LYPLAL1: variants seen among roughly 807,000 people sequenced by gnomAD.
LYPLAL1 encodes the protein lysophospholipase like 1, also known as lysophospholipase-like protein 1.
In LYPLAL1, 23 loss-of-function variants were observed where a neutral mutation model predicts 19.7. The observed-to-expected ratio is 1.17, with a 90% CI of 0.84 to 1.65. The LOEUF (loss-of-function observed/expected upper bound fraction) is 1.65, where lower values mean the gene tolerates loss of function less well. Ranked by LOEUF, LYPLAL1 falls within the 40% of genes most tolerant of loss-of-function variation. The probability of loss-of-function intolerance (pLI) is 0.00; values close to 1 mark genes in which losing one functional copy is unlikely to be tolerated. For synonymous variants in LYPLAL1, 119 were observed against 96.3 expected, an observed-to-expected ratio of 1.24 and a Z score of -1.38; for missense variants, 355 against 279.4, an observed-to-expected ratio of 1.27 and a Z score of -1.93.
At chr1:219,341,723 T>G in the LYPLAL1 span, among the ~76,000 whole-genome samples, 6 of 152,240 alleles carry the variant, frequency 3.9e-5, no homozygotes, top group Admixed American at 1.3e-4. Flanking sequence ...GAACCTGTTT[T>G]TATAGGTCTG....
At chr1:219,243,244 G>C in the LYPLAL1 span, among the ~76,000 whole-genome samples, 1 of 152,050 alleles carries the variant, frequency 6.6e-6, no homozygotes. Context: ...AATATATTTT[G>C]GAATTGAAGA....
At chr1:219,394,358 CT>C in the LYPLAL1 span, among the ~76,000 whole-genome samples, 1 of 152,084 alleles carries the variant, frequency 6.6e-6, no homozygotes, top group Non-Finnish European at 1.5e-5. Flanking sequence ...ATACATAATA[CT>C]TTATTAAGTG....
chr1:219,415,031 G>A, the LYPLAL1 span, among the ~76,000 whole-genome samples: 41 of 152,234 alleles, frequency 2.7e-4, no homozygotes, highest in South Asian at 7.5e-3. Context: ...CAAGAATAAT[G>A]GAAAGATGTC....
chr1:219,223,522 CCT>C, the LYPLAL1 span, among the ~76,000 whole-genome samples: 1 of 151,958 alleles, frequency 6.6e-6, no homozygotes, highest in Non-Finnish European at 1.5e-5. Flanking sequence ...TTTGTGCTAT[CCT>C]CTCATTATTA....
the LYPLAL1 span, among the ~76,000 whole-genome samples, chr1:219,318,606 A>T: frequency 6.6e-6 from 1 of 152,196 alleles, no homozygotes; most frequent in Admixed American, 6.5e-5. Context: ...TATCCATGCC[A>T]AATTTTAGGC....
chr1:219,251,371 G>A, the LYPLAL1 span, among the ~76,000 whole-genome samples: 1 of 151,862 alleles, frequency 6.6e-6, no homozygotes, highest in Non-Finnish European at 1.5e-5. Context: ...CTGTTCCTAT[G>A]TATTGCCTAG....
the LYPLAL1 span, among the ~76,000 whole-genome samples, chr1:219,372,356 A>T: frequency 2.6e-5 from 4 of 152,210 alleles, no homozygotes; most frequent in Non-Finnish European, 5.9e-5. Context: ...AAATGTTAGA[A>T]TCAGAGAAGA....
At chr1:219,297,332 T>A in the LYPLAL1 span, among the ~76,000 whole-genome samples, 1 of 152,244 alleles carries the variant, frequency 6.6e-6, no homozygotes, top group Non-Finnish European at 1.5e-5. Context: ...TAAGACTGAT[T>A]GAATTCTTAG....
the LYPLAL1 span, among the ~76,000 whole-genome samples, chr1:219,256,713 A>C: frequency 6.6e-6 from 1 of 152,024 alleles, no homozygotes; most frequent in South Asian, 2.1e-4. Context: ...TATGTTTGTA[A>C]GATAACGGAT....
At chr1:219,314,173 C>G in the LYPLAL1 span, among the ~76,000 whole-genome samples, 2 of 152,238 alleles carry the variant, frequency 1.3e-5, no homozygotes, top group East Asian at 3.8e-4. Context: ...ATTTTTATGA[C>G]TGCATAATAT....
chr1:219,410,853 G>C, the LYPLAL1 span, among the ~76,000 whole-genome samples: 1 of 152,234 alleles, frequency 6.6e-6, no homozygotes, highest in Non-Finnish European at 1.5e-5. Flanking sequence ...CCGGCGCTGC[G>C]CTCGATTTCT....
chr1:219,370,832 C>T, the LYPLAL1 span, among the ~76,000 whole-genome samples: 22,700 of 152,112 alleles, frequency 0.15, 1,889 homozygotes, highest in East Asian at 0.28. Context: ...GGCTTCTGCA[C>T]TAATAAAGGA....
chr1:219,314,772 A>G, the LYPLAL1 span, among the ~76,000 whole-genome samples: 2 of 152,144 alleles, frequency 1.3e-5, no homozygotes, highest in Non-Finnish European at 2.9e-5. Flanking sequence ...TTGATAATAT[A>G]TTGTGAATCT....
chr1:219,424,873 A>G, the LYPLAL1 span, among the ~76,000 whole-genome samples: 7 of 152,164 alleles, frequency 4.6e-5, no homozygotes, highest in Non-Finnish European at 1.0e-4. Flanking sequence ...TTTCTTATAT[A>G]TAAGAGAAGA....
the LYPLAL1 span, among the ~76,000 whole-genome samples, chr1:219,415,050 A>G: frequency 6.6e-6 from 1 of 152,220 alleles, no homozygotes; most frequent in African/African-American, 2.4e-5. Context: ...TCCAAAGTAA[A>G]ATAATAAAAA....
At chr1:219,405,249 A>T in the LYPLAL1 span, among the ~76,000 whole-genome samples, 1 of 152,338 alleles carries the variant, frequency 6.6e-6, no homozygotes, top group East Asian at 1.9e-4. Context: ...CTTGTGAACT[A>T]GATAAGCTTC....
chr1:219,221,172 T>G, the LYPLAL1 span, among the ~76,000 whole-genome samples: 1 of 152,182 alleles, frequency 6.6e-6, no homozygotes, highest in Non-Finnish European at 1.5e-5. Context: ...CAGTGATGAC[T>G]GTGTCTATTT....
the LYPLAL1 span, among the ~76,000 whole-genome samples, chr1:219,398,055 C>T: frequency 1.3e-5 from 2 of 152,146 alleles, no homozygotes; most frequent in African/African-American, 4.8e-5. Context: ...TGTGAAGTAG[C>T]TTTGAAGTTC....
chr1:219,211,931 C>A lies in LYPLAL1; in HGVS notation c.*203C>A. The A allele has an allele frequency of 2.5e-6, 1 of 392,474 alleles. No individual in the cohort carries two copies. Among genetic ancestry groups the A allele is most frequent in the Non-Finnish European group, 4.5e-6 (1 of 221,506 alleles). The allele number at this position is 392,474 out of a possible 1,614,324, so 24.3% of individuals were successfully genotyped here. ...ACATCTGTGCATAATTTTTCAGACA[C>A]AATTCTGTAAATATTTGGAAACCTT... On this transcript the variant is annotated 3_prime_UTR_variant, in exon 5 of 5. Transcript: ENST00000366928.
Sources: allele counts gnomAD v4.1 joint callset (sites outside exome capture counted in the v4.1 genomes callset), GRCh38; gene constraint gnomAD v4.1.1; transcripts MANE v1.5; gene names NCBI Gene and HGNC (gene_info 2026-07-23, HGNC 2026-07-21).